CDH18: variants seen among roughly 807,000 people sequenced by gnomAD.
CDH18 encodes cadherin-18.
CDH18 carries 31 observed loss-of-function variants against 67.9 expected under a neutral mutation model. The observed-to-expected ratio is 0.46, with a 90% CI of 0.34 to 0.62. The LOEUF is 0.62. CDH18 is among the 20% of genes least tolerant of loss of function. The pLI is 0.01. For synonymous variants in CDH18, 362 were observed against 347.2 expected (o/e 1.04, Z -0.48); for missense variants, 890 against 975.5 (o/e 0.91, Z 1.17).
At chr5:19,730,845 CA>C (rs1767499922) in intron 4 of CDH18, among the ~76,000 whole-genome samples, 3 of 150,842 alleles carry the variant, frequency 2.0e-5, no homozygotes, top group African/African-American at 7.3e-5. Flanking sequence ...ACAGCATCAC[CA>C]GAATACATAT....
At chr5:19,647,351 T>C (rs1754907482) in intron 5 of CDH18, among the ~76,000 whole-genome samples, 1 of 135,350 alleles carries the variant, frequency 7.4e-6, no homozygotes, top group Non-Finnish European at 1.6e-5. Flanking sequence ...TGAAACCCCG[T>C]CTCTACTAAA....
intron 2 of CDH18, among the ~76,000 whole-genome samples, chr5:20,249,600 G>C (rs572879810): frequency 6.6e-6 from 1 of 151,950 alleles, no homozygotes; most frequent in Admixed American, 6.6e-5. Flanking sequence ...TCGATTTCGT[G>C]ATCTCCTGAT....
chr5:19,582,485 G>A lies in CDH18; in HGVS notation c.999+8572C>T, dbSNP rs532735069. On this transcript the variant is annotated intron_variant, in intron 7 of 12. Coordinates refer to ENST00000382275, the MANE Select transcript of CDH18 (RefSeq NM_004934.5). Reference sequence around the variant, plus strand: ...CATGAAAAATAATTTACCCAATAGCGTTTCCGTGTCAAAGTCATCCAAAAT... The same window carrying A: ...CATGAAAAATAATTTACCCAATAGCATTTCCGTGTCAAAGTCATCCAAAAT... Among the ~76,000 whole-genome samples the A allele has an allele frequency of 1.5e-4, 23 of 151,968 alleles. No individual in the cohort carries two copies. In the South Asian group the frequency reaches 2.1e-3, roughly 14 times the overall value.
intron 1 of CDH18, among the ~76,000 whole-genome samples, chr5:20,355,303 C>T (rs1017085950): frequency 1.6e-4 from 24 of 152,236 alleles, no homozygotes; most frequent in Admixed American, 2.0e-4. Context: ...CTCATGAAAG[C>T]AACCACATGC....
At chr5:19,959,340 G>A (rs1015738676) in intron 2 of CDH18, among the ~76,000 whole-genome samples, 1 of 151,806 alleles carries the variant, frequency 6.6e-6, no homozygotes, top group African/African-American at 2.4e-5. Context: ...AAACTCAGAA[G>A]ATATACTAAT....
At chr5:19,715,772 T>C (rs962432263) in intron 5 of CDH18, among the ~76,000 whole-genome samples, 1 of 151,798 alleles carries the variant, frequency 6.6e-6, no homozygotes, top group Non-Finnish European at 1.5e-5. Flanking sequence ...CAAATTCTCA[T>C]AATCATTCAA....
chr5:20,134,536 C>G (rs758588059), intron 2 of CDH18, among the ~76,000 whole-genome samples: 1 of 151,920 alleles, frequency 6.6e-6, no homozygotes, highest in Non-Finnish European at 1.5e-5. Flanking sequence ...TTATATTTTT[C>G]TATTAGAGTC....
intron 7 of CDH18, 21 bp from the exon 8 acceptor site, chr5:19,571,853 A>C (rs769517295): frequency 9.5e-6 from 15 of 1,574,202 alleles, no homozygotes; most frequent in Non-Finnish European, 1.3e-5. Flanking sequence ...AAAAAATAAG[A>C]TTATGACTTT....
At chr5:20,064,442 G>C (rs1450424267) in intron 2 of CDH18, among the ~76,000 whole-genome samples, 2 of 152,112 alleles carry the variant, frequency 1.3e-5, no homozygotes, top group African/African-American at 4.8e-5. Context: ...TGGAAGCCAA[G>C]TGTTAGCTTC....
intron 2 of CDH18, among the ~76,000 whole-genome samples, chr5:20,255,194 A>C (rs1466099437): frequency 2.0e-5 from 3 of 152,156 alleles, no homozygotes; most frequent in African/African-American, 7.2e-5. Flanking sequence ...ACCTGGGTAC[A>C]ATATACCCAT....
intron 5 of CDH18, among the ~76,000 whole-genome samples, chr5:19,644,874 C>G (rs1365014099): frequency 6.6e-6 from 1 of 152,188 alleles, no homozygotes; most frequent in Non-Finnish European, 1.5e-5. Flanking sequence ...ATCAGCACAT[C>G]TGAGACAAGC....
chr5:19,604,086 C>T (rs766558950), intron 6 of CDH18, among the ~76,000 whole-genome samples: 3 of 151,914 alleles, frequency 2.0e-5, no homozygotes, highest in Non-Finnish European at 4.4e-5. Context: ...GGAAAATACA[C>T]TTAAGGAAGG....
intron 1 of CDH18, among the ~76,000 whole-genome samples, chr5:20,547,365 A>C (rs571799098): frequency 1.3e-5 from 2 of 152,168 alleles, no homozygotes; most frequent in Admixed American, 1.3e-4. Context: ...ATTCAAGACC[A>C]GCCTGGCCAA....
intron 2 of CDH18, among the ~76,000 whole-genome samples, chr5:19,971,468 A>G (rs1447504435): frequency 6.6e-6 from 1 of 152,066 alleles, no homozygotes; most frequent in Non-Finnish European, 1.5e-5. Flanking sequence ...TATATATAAA[A>G]AGATAGTTTG....
At chr5:19,473,868 GA>G in intron 12 of CDH18, 152 bp from the exon 13 acceptor site, 1 of 672,218 alleles carries the variant, frequency 1.5e-6, no homozygotes, top group Non-Finnish European at 2.6e-6. Context: ...TGTGCTCTCT[GA>G]ATAACACCGC....
At chr5:19,892,410 A>T (rs1047115835) in intron 2 of CDH18, among the ~76,000 whole-genome samples, 2 of 152,188 alleles carry the variant, frequency 1.3e-5, no homozygotes, top group African/African-American at 4.8e-5. Context: ...GAATTTGTGT[A>T]GGGCATCAAC....
At chr5:20,461,464 G>A (rs896800333) in intron 1 of CDH18, among the ~76,000 whole-genome samples, 2 of 152,110 alleles carry the variant, frequency 1.3e-5, no homozygotes, top group African/African-American at 4.8e-5. Flanking sequence ...CTGAGGCTAT[G>A]CCCTGGGAGC....
At chr5:19,987,794 A>G (rs1437500827) in intron 1 of CDH18, among the ~76,000 whole-genome samples, 1 of 152,220 alleles carries the variant, frequency 6.6e-6, no homozygotes, top group Non-Finnish European at 1.5e-5. Flanking sequence ...TCTTCAGGGA[A>G]GACAACAGCA....
chr5:20,270,896 T>C (rs918438937), intron 1 of CDH18, among the ~76,000 whole-genome samples: 1 of 151,938 alleles, frequency 6.6e-6, no homozygotes, highest in Non-Finnish European at 1.5e-5. Context: ...CAAAACCAAA[T>C]ACCATATGTT....
Sources: allele counts gnomAD v4.1 joint callset (sites outside exome capture counted in the v4.1 genomes callset), GRCh38; gene constraint gnomAD v4.1.1; transcripts MANE v1.5; gene names NCBI Gene and HGNC (gene_info 2026-07-23, HGNC 2026-07-21).